AKNAD1: variants seen among roughly 807,000 people sequenced by gnomAD.
AKNAD1 encodes AKNA domain containing 1.
In AKNAD1, 67 loss-of-function variants were observed where a neutral mutation model predicts 90.8. The observed-to-expected ratio is 0.74, with a 90% CI of 0.61 to 0.90. The LOEUF is 0.90. Among genes scored for constraint, AKNAD1 ranks in the 40% least tolerant of loss-of-function variants. The pLI is 0.00. For missense variants in AKNAD1, 957 were observed against 975.4 expected, an observed-to-expected ratio of 0.98 and a Z score of 0.25; for synonymous variants, 327 against 341.4, an observed-to-expected ratio of 0.96 and a Z score of 0.46.
At chr1:108,836,424 C>G (rs979257942) in intron 7 of AKNAD1, among the ~76,000 whole-genome samples, 2 of 151,924 alleles carry the variant, frequency 1.3e-5, no homozygotes, top group East Asian at 1.9e-4. Context: ...CAAACGAGAC[C>G]CAGTGCTGCG....
Position 108,852,315 on chromosome 1 carries a change from A to C in AKNAD1, c.350T>G (p.Leu117Arg), listed in dbSNP as rs770497660. ...SSISDILLHH[L>R]SKEPFLRGQG... ...ACCTCTTAAGAATGGCTCTTTGGAA[A>C]GATGATGAAGTAAAATATCAGAAAT... The change falls in exon 2 of 16, where the codon CTT becomes CGT. Residue 117 changes from leucine (L) to arginine (R), a missense_variant. Leu to Arg is a moderately radical substitution (Grantham distance 102). Coordinates refer to ENST00000370001, the MANE Select transcript of AKNAD1 (RefSeq NM_152763.5). The C allele has an allele frequency of 1.1e-5, 17 of 1,614,092 alleles. No individual in the cohort carries two copies. The highest frequency in any genetic ancestry group is 1.4e-5 in the Non-Finnish European group (16 of 1,180,050).
chr1:108,817,786 T>C (rs1419072625), intron 14 of AKNAD1, among the ~76,000 whole-genome samples: 1 of 152,132 alleles, frequency 6.6e-6, no homozygotes, highest in Admixed American at 6.5e-5. Context: ...ATTACAGGCC[T>C]GAGCCACCGC....
chr1:108,843,168 C>A lies in AKNAD1; in HGVS notation c.1345G>T (p.Glu449Ter). The change falls in exon 6 of 16, where the codon GAA becomes TAA. Residue 449 changes from glutamate to a stop codon, truncating the protein, a stop_gained. Coordinates refer to ENST00000370001, the MANE Select transcript of AKNAD1 (RefSeq NM_152763.5). LOFTEE classifies it high-confidence loss of function. ...TCAAAGTCACCAACGATTGTTGATT[C>A]GTGCTTGTGGACTTGCTGCTGCAAA... ...LTLQQQVHKHESTIVGDFDPE... is the reference protein window; with the variant it reads ...LTLQQQVHKH The A allele has an allele frequency of 6.2e-7, 1 of 1,614,156 alleles. No homozygotes were observed. The highest frequency in any genetic ancestry group is 8.5e-7 in the Non-Finnish European group (1 of 1,180,016).
intron 1 of AKNAD1, among the ~76,000 whole-genome samples, chr1:108,853,225 A>G (rs1427778208): frequency 9.6e-5 from 14 of 145,598 alleles, no homozygotes; most frequent in Non-Finnish European, 1.5e-4. Context: ...TCCACCTCCC[A>G]GGTTCACCCC....
At chr1:108,841,581 T>G (rs1664555051) in intron 6 of AKNAD1, among the ~76,000 whole-genome samples, 1 of 152,146 alleles carries the variant, frequency 6.6e-6, no homozygotes, top group African/African-American at 2.4e-5. Flanking sequence ...TGAGAAGGCT[T>G]TAATAAGAGC....
At chr1:108,834,136 C>T (rs1225461339) in intron 9 of AKNAD1, among the ~76,000 whole-genome samples, 1 of 152,132 alleles carries the variant, frequency 6.6e-6, no homozygotes, top group East Asian at 1.9e-4. Flanking sequence ...GTTAGCAATG[C>T]AGAATTGCAG....
rs1357674387 is a variant in AKNAD1 at position 108,852,196 on chromosome 1, T to C, written c.469A>G (p.Lys157Glu). Residue 157 changes from lysine (K) to glutamate (E), a missense_variant, in exon 2 of 16, where the codon AAG becomes GAG. Lys to Glu is a moderately conservative substitution (Grantham distance 56). Coordinates refer to ENST00000370001, the MANE Select transcript of AKNAD1 (RefSeq NM_152763.5). The stretch of plus-strand genomic sequence containing the variant: ...GTTTGTTCTTTTGGCCAAGAATTCT[T>C]ATTATAACATGAAATAATACTTTTA... ...IIKSIISCYN[K>E]NSWPKEQTPE... is the part of the protein sequence containing the mutation. The C allele has an allele frequency of 1.2e-6, 2 of 1,613,766 alleles. No individual in the cohort carries two copies. The highest frequency in any genetic ancestry group is 1.7e-6 in the Non-Finnish European group (2 of 1,179,894).
At chr1:108,835,980 ATTTG>A (rs1664376093) in intron 7 of AKNAD1, among the ~76,000 whole-genome samples, 1 of 152,110 alleles carries the variant, frequency 6.6e-6, no homozygotes, top group Non-Finnish European at 1.5e-5. Flanking sequence ...AGGGCAGGTG[ATTTG>A]TTTGTTGTTC....
rs1302269471 is a variant in AKNAD1, at chr1:108,829,625, G to T, written c.1838+934C>A. ...CCATTTTTAGCACGAGCTTCATGCAGTTTCTTTTTTCAGGGGTGGACACTC... is the reference window on the plus strand; with the variant it reads ...CCATTTTTAGCACGAGCTTCATGCATTTTCTTTTTTCAGGGGTGGACACTC... On this transcript the variant is annotated intron_variant, in intron 10 of 15. Coordinates refer to ENST00000370001, the MANE Select transcript of AKNAD1 (RefSeq NM_152763.5). Among the ~76,000 whole-genome samples, 11 of 152,132 alleles carry T rather than the reference G, an allele frequency of 7.2e-5. 1 individual carries two copies. The highest frequency in any genetic ancestry group is 1.5e-5 in the Non-Finnish European group (1 of 68,026).
intron 1 of AKNAD1, among the ~76,000 whole-genome samples, chr1:108,856,718 T>TACACATAAACACACACA (rs1287589720): frequency 7.0e-6 from 1 of 142,844 alleles, no homozygotes; most frequent in Non-Finnish European, 1.5e-5. Context: ...TCTCTCTCTC[T>TACACATAAACACACACA]CACACACACA....
intron 1 of AKNAD1, among the ~76,000 whole-genome samples, chr1:108,854,225 A>G (rs781636550): frequency 6.2e-4 from 95 of 152,214 alleles, no homozygotes; most frequent in Non-Finnish European, 1.1e-3. Flanking sequence ...CCATTCAGAT[A>G]TCTCTTCCTG....
At chr1:108,844,608 C>G (rs1193184658) in intron 5 of AKNAD1, among the ~76,000 whole-genome samples, 4 of 152,132 alleles carry the variant, frequency 2.6e-5, no homozygotes, top group Admixed American at 2.0e-4. Context: ...AGAAACATAG[C>G]TCGGTGAGGT....
intron 6 of AKNAD1, among the ~76,000 whole-genome samples, chr1:108,841,373 C>A (rs1249051080): frequency 2.0e-5 from 3 of 151,954 alleles, no homozygotes; most frequent in African/African-American, 4.8e-5. Context: ...GTGATCTTTT[C>A]TTTAAAGCAG....
At chr1:108,828,594 G>A (rs1035768938) in intron 10 of AKNAD1, among the ~76,000 whole-genome samples, 1 of 151,868 alleles carries the variant, frequency 6.6e-6, no homozygotes, top group Non-Finnish European at 1.5e-5. Context: ...TGCTCGCCGC[G>A]CTGTGCCCTG....
intron 6 of AKNAD1, among the ~76,000 whole-genome samples, chr1:108,839,865 A>AT (rs1306926665): frequency 6.6e-6 from 1 of 152,004 alleles, no homozygotes; most frequent in Non-Finnish European, 1.5e-5. Context: ...TACAAAAAAA[A>AT]TTTTTTTTAA....
intron 5 of AKNAD1, among the ~76,000 whole-genome samples, chr1:108,844,146 T>G (rs1200739571): frequency 1.3e-5 from 2 of 152,176 alleles, no homozygotes; most frequent in Non-Finnish European, 2.9e-5. Flanking sequence ...GCAGATCATT[T>G]TAGGTCATTA....
intron 5 of AKNAD1, among the ~76,000 whole-genome samples, chr1:108,844,655 C>CT (rs940511318): frequency 6.6e-6 from 1 of 152,022 alleles, no homozygotes; most frequent in Non-Finnish European, 1.5e-5. Flanking sequence ...AGTTCAGACT[C>CT]TGTCACTTAC....
intron 2 of AKNAD1, among the ~76,000 whole-genome samples, chr1:108,851,396 C>A (rs914237437): frequency 6.6e-6 from 1 of 152,210 alleles, no homozygotes; most frequent in African/African-American, 2.4e-5. Context: ...CAGATGACTC[C>A]TGAAGGAAGG....
At chr1:108,822,925 C>T (rs934821304) in intron 13 of AKNAD1, 1 of 393,900 alleles carries the variant, frequency 2.5e-6, no homozygotes, top group East Asian at 3.9e-5. Flanking sequence ...TCAAAGACAG[C>T]AAATTTTTGC....
Sources: allele counts gnomAD v4.1 joint callset (sites outside exome capture counted in the v4.1 genomes callset), GRCh38; gene constraint gnomAD v4.1.1; transcripts MANE v1.5; gene names NCBI Gene and HGNC (gene_info 2026-07-23, HGNC 2026-07-21).